The following DLG2 variants were observed in gnomAD, a reference collection of about 807,000 sequenced individuals.
DLG2 encodes the protein disks large homolog 2.
A neutral mutation model predicts 132.5 loss-of-function variants in DLG2; 45 were observed. The ratio of observed to expected loss-of-function variants is 0.34; its 90% CI spans 0.27 to 0.44. The LOEUF is 0.44. DLG2 is among the 20% of genes least tolerant of loss of function. The pLI is 1.00. For missense variants in DLG2, 1,045 were observed against 1,196.9 expected (o/e 0.87, Z 1.87); for synonymous variants, 424 against 419.6 (o/e 1.01, Z -0.13).
At chr11:84,591,018 C>T (rs898054611) in intron 6 of DLG2, among the ~76,000 whole-genome samples, 3 of 152,090 alleles carry the variant, frequency 2.0e-5, no homozygotes, top group South Asian at 4.1e-4. Context: ...TAGAGTCCAC[C>T]TTACTTAGTG....
At chr11:85,586,231 T>C (rs190526645) in intron 3 of DLG2, among the ~76,000 whole-genome samples, 1 of 152,124 alleles carries the variant, frequency 6.6e-6, no homozygotes, top group Non-Finnish European at 1.5e-5. Context: ...CCCAGAATGA[T>C]TTAGGGAGGA....
intron 7 of DLG2, among the ~76,000 whole-genome samples, chr11:84,459,526 A>T (rs1257601286): frequency 6.6e-6 from 1 of 150,640 alleles, no homozygotes; most frequent in Non-Finnish European, 1.5e-5. Flanking sequence ...TTTCTGAAAA[A>T]ATTAATACTA....
intron 3 of DLG2, among the ~76,000 whole-genome samples, chr11:85,485,693 GCA>G (rs2093414362): frequency 6.6e-6 from 1 of 152,180 alleles, no homozygotes; most frequent in South Asian, 2.1e-4. Flanking sequence ...GCAGGCTTTT[GCA>G]TTCTTGGCTA....
chr11:83,722,999 G>A (rs539983018), intron 18 of DLG2, among the ~76,000 whole-genome samples: 119 of 152,070 alleles, frequency 7.8e-4, no homozygotes, highest in Non-Finnish European at 1.4e-3. Flanking sequence ...GTGTGGCTAT[G>A]TTACATGCAT....
chr11:84,749,208 C>T (rs1319147239), intron 6 of DLG2, among the ~76,000 whole-genome samples: 1 of 152,132 alleles, frequency 6.6e-6, no homozygotes, highest in Non-Finnish European at 1.5e-5. Flanking sequence ...TCTCACTCAC[C>T]TGCAATGTCT....
chr11:85,501,978 T>C (rs1196994771), intron 3 of DLG2, among the ~76,000 whole-genome samples: 23 of 152,176 alleles, frequency 1.5e-4, no homozygotes, highest in Non-Finnish European at 2.5e-4. Flanking sequence ...CGTATGTTTA[T>C]TGTGGCATTA....
intron 6 of DLG2, among the ~76,000 whole-genome samples, chr11:84,991,609 G>A (rs998103172): frequency 2.0e-5 from 3 of 151,978 alleles, no homozygotes; most frequent in African/African-American, 7.2e-5. Context: ...AGGAAAGTGG[G>A]TATTGCTATA....
intron 16 of DLG2, among the ~76,000 whole-genome samples, chr11:83,850,160 G>GTGTGTTTTTT (rs1452960432): frequency 3.6e-4 from 45 of 124,368 alleles, no homozygotes; most frequent in African/African-American, 1.3e-3. Flanking sequence ...GTGTGTGTGT[G>GTGTGTTTTTT]TTTTTTTACT....
chr11:84,283,778 AC>A, intron 7 of DLG2, among the ~76,000 whole-genome samples: 1 of 152,188 alleles, frequency 6.6e-6, no homozygotes, highest in Non-Finnish European at 1.5e-5. Flanking sequence ...CCAGCACAGT[AC>A]CTAGAATATA....
At chr11:84,815,711 A>C (rs367551264) in intron 6 of DLG2, among the ~76,000 whole-genome samples, 73 of 152,148 alleles carry the variant, frequency 4.8e-4, no homozygotes, top group Middle Eastern at 6.8e-3. Flanking sequence ...AAATGCATTT[A>C]ATGATTTTCA....
chr11:84,810,884 T>A (rs958023996), intron 6 of DLG2, among the ~76,000 whole-genome samples: 4 of 152,232 alleles, frequency 2.6e-5, no homozygotes, highest in Admixed American at 2.6e-4. Context: ...GACGATATTA[T>A]AGAAATGGAG....
At chr11:83,801,363 T>C (rs1007851648) in intron 17 of DLG2, among the ~76,000 whole-genome samples, 1 of 152,182 alleles carries the variant, frequency 6.6e-6, no homozygotes, top group African/African-American at 2.4e-5. Context: ...CTGTATCAGA[T>C]CATGCCTCTC....
At chr11:83,552,491 A>G (rs963473962) in intron 19 of DLG2, among the ~76,000 whole-genome samples, 8 of 152,150 alleles carry the variant, frequency 5.3e-5, no homozygotes, top group African/African-American at 1.9e-4. Context: ...AGGAAGCCTC[A>G]TCAGGTGCTC....
chr11:84,582,520 C>T (rs116996008), intron 6 of DLG2, among the ~76,000 whole-genome samples: 12,868 of 148,026 alleles, frequency 0.087, 657 homozygotes, highest in Admixed American at 0.15. Context: ...TACATATATA[C>T]ATGTATTTTA....
At chr11:85,217,318 T>TCTCACACACA (rs370686252) in intron 4 of DLG2, among the ~76,000 whole-genome samples, 30 of 144,036 alleles carry the variant, frequency 2.1e-4, no homozygotes, top group African/African-American at 6.7e-4. Flanking sequence ...TCTCTCTCTC[T>TCTCACACACA]CACACACACA....
intron 4 of DLG2, among the ~76,000 whole-genome samples, chr11:85,219,512 C>T (rs994297854): frequency 6.6e-6 from 1 of 151,850 alleles, no homozygotes. Flanking sequence ...TCAGCATGGC[C>T]GTGTTCTCCC....
At chr11:84,738,057 G>A (rs192712824) in intron 6 of DLG2, among the ~76,000 whole-genome samples, 243 of 152,088 alleles carry the variant, frequency 1.6e-3, no homozygotes, top group African/African-American at 5.7e-3. Flanking sequence ...CCTCTAGAGC[G>A]CAGCGTAAAC....
At chr11:84,373,073 G>A (rs1184055484) in intron 7 of DLG2, among the ~76,000 whole-genome samples, 1 of 151,664 alleles carries the variant, frequency 6.6e-6, no homozygotes, top group Non-Finnish European at 1.5e-5. Flanking sequence ...GAGACAGAGA[G>A]AGGCAAGAGA....
intron 6 of DLG2, among the ~76,000 whole-genome samples, chr11:84,575,825 G>A (rs1158322752): frequency 6.6e-6 from 1 of 152,074 alleles, no homozygotes; most frequent in South Asian, 2.1e-4. Flanking sequence ...CTTCAGACTT[G>A]AGATTATTTC....
Sources: allele counts gnomAD v4.1 joint callset (sites outside exome capture counted in the v4.1 genomes callset), GRCh38; gene constraint gnomAD v4.1.1; transcripts MANE v1.5; gene names NCBI Gene and HGNC (gene_info 2026-07-23, HGNC 2026-07-21).